Variants in ALG9 observed in about 807,000 individuals in gnomAD.
ALG9 encodes alpha-1,2-mannosyltransferase ALG9.
In ALG9, 55 loss-of-function variants were observed where a neutral mutation model predicts 81.8. The ratio of observed to expected loss-of-function variants is 0.67; its 90% CI spans 0.54 to 0.84. The LOEUF (loss-of-function observed/expected upper bound fraction) is 0.84, where lower values mean the gene tolerates loss of function less well. Ranked by LOEUF, ALG9 falls within the 40% of genes least tolerant of loss-of-function variation. The pLI is 0.00. For synonymous variants in ALG9, 278 were observed against 274.3 expected, an observed-to-expected ratio of 1.01 and a Z score of -0.13; for missense variants, 629 against 745.0, an observed-to-expected ratio of 0.84 and a Z score of 1.81.
the ALG9 span, among the ~76,000 whole-genome samples, chr11:111,769,630 AT>A: frequency 1.3e-5 from 2 of 151,762 alleles, no homozygotes; most frequent in Non-Finnish European, 2.9e-5. Context: ...AAAAAAAAAA[AT>A]TAAAGTCTTC....
At chr11:111,848,457 G>A (rs1957239777) in intron 8 of ALG9, among the ~76,000 whole-genome samples, 1 of 151,936 alleles carries the variant, frequency 6.6e-6, no homozygotes, top group South Asian at 2.1e-4. Context: ...GGGTGTGGTG[G>A]TGCATGCCTG....
chr11:111,863,543 T>C (rs1961125968), intron 4 of ALG9, among the ~76,000 whole-genome samples: 4 of 152,198 alleles, frequency 2.6e-5, no homozygotes, highest in Admixed American at 2.6e-4. Context: ...CAAACATTTT[T>C]TAAAATCTGA....
intron 13 of ALG9, among the ~76,000 whole-genome samples, chr11:111,835,355 T>A (rs1955060209): frequency 6.6e-6 from 1 of 152,244 alleles, no homozygotes; most frequent in African/African-American, 2.4e-5. Flanking sequence ...AAAAGTGTCA[T>A]CTTTCAAAGG....
chr11:111,768,671 T>C, the ALG9 span: 3 of 152,086 alleles, frequency 2.0e-5, no homozygotes, highest in African/African-American at 7.2e-5. Context: ...TGTGTGTGTG[T>C]GTGTTTAACA....
At chr11:111,811,787 G>A (rs1269370289) in intron 13 of ALG9, among the ~76,000 whole-genome samples, 8 of 152,074 alleles carry the variant, frequency 5.3e-5, no homozygotes, top group East Asian at 1.9e-4. Context: ...TGAAATGTTC[G>A]TAATAGGCAA....
At chr11:111,826,099 T>TAATAATAATAATAAC (rs1555108212) in intron 13 of ALG9, among the ~76,000 whole-genome samples, 1 of 147,108 alleles carries the variant, frequency 6.8e-6, no homozygotes, top group Non-Finnish European at 1.5e-5. Flanking sequence ...ATAATAATAA[T>TAATAATAATAATAAC]ATGCGGCCAG....
At chr11:111,870,505 G>T (rs1555157545) in intron 1 of ALG9, 135 bp from the exon 2 acceptor site, 2 of 1,186,532 alleles carry the variant, frequency 1.7e-6, no homozygotes, top group Admixed American at 7.4e-5. Context: ...ACCTAAAAAG[G>T]TGAATAGCTA....
At chr11:111,816,073 C>T (rs1487095817) in intron 13 of ALG9, among the ~76,000 whole-genome samples, 4 of 152,208 alleles carry the variant, frequency 2.6e-5, no homozygotes, top group Admixed American at 6.5e-5. Context: ...TTTTAGGTTA[C>T]ATCTTCTTGC....
intron 13 of ALG9, among the ~76,000 whole-genome samples, chr11:111,816,400 C>T (rs1378123606): frequency 1.3e-5 from 2 of 152,130 alleles, no homozygotes; most frequent in African/African-American, 4.8e-5. Context: ...GCATGCGCCA[C>T]CAGGCCTAGT....
chr11:111,819,342 T>A (rs1298936103), intron 13 of ALG9, among the ~76,000 whole-genome samples: 1 of 152,092 alleles, frequency 6.6e-6, no homozygotes, highest in Non-Finnish European at 1.5e-5. Context: ...AAAATAGAGA[T>A]CTCTGGCAAG....
chr11:111,835,781 C>CAG (rs782421758), intron 13 of ALG9, among the ~76,000 whole-genome samples: 1 of 152,198 alleles, frequency 6.6e-6, no homozygotes. Context: ...GACAGGGTCT[C>CAG]ACTCTGTTGC....
intron 14 of ALG9, among the ~76,000 whole-genome samples, chr11:111,796,443 T>TG (rs1234447904): frequency 6.6e-6 from 1 of 152,230 alleles, no homozygotes; most frequent in Non-Finnish European, 1.5e-5. Flanking sequence ...AGAGAACAGA[T>TG]GGTCTGTAAA....
At chr11:111,787,511 C>T (rs1250753090) in intron 14 of ALG9, among the ~76,000 whole-genome samples, 1 of 151,900 alleles carries the variant, frequency 6.6e-6, no homozygotes, top group African/African-American at 2.4e-5. Flanking sequence ...GGCTGGAGTG[C>T]CGTGGTGCGA....
rs904465272 is a variant in ALG9, at chr11:111,853,807, T to G, written c.702-71A>C. 4.2e-5 allele frequency: 56 copies of G among 1,318,944 alleles called. No homozygotes were observed. In the Admixed American group the frequency reaches 9.2e-4, roughly 22 times the overall value. 81.7% of individuals were successfully genotyped at this position (1,318,944 alleles called of 1,614,324 possible). A position where few individuals can be genotyped will look rare whatever the true frequency, so the allele number is the denominator to read the frequency against. On this transcript the variant is annotated intron_variant, in intron 6 of 14. Coordinates refer to ENST00000616540, the MANE Select transcript of ALG9 (RefSeq NM_024740.2). The stretch of plus-strand genomic sequence containing the variant: ...GAGACAAATCAGATTCACACATACC[T>G]CATGCTGAACTGAGAATAAAATGCC...
At chr11:111,839,062 T>C (rs1555120725) in intron 10 of ALG9, among the ~76,000 whole-genome samples, 1 of 152,224 alleles carries the variant, frequency 6.6e-6, no homozygotes, top group African/African-American at 2.4e-5. Context: ...TTTTGGAATC[T>C]ATCCTGAGGA....
At chr11:111,804,088 G>A (rs1473662269) in intron 14 of ALG9, among the ~76,000 whole-genome samples, 1 of 143,560 alleles carries the variant, frequency 7.0e-6, no homozygotes, top group Non-Finnish European at 1.5e-5. Flanking sequence ...AGTCAAGAGT[G>A]TGCCACTGCA....
intron 13 of ALG9, among the ~76,000 whole-genome samples, chr11:111,816,412 AATTT>A (rs1555097269): frequency 2.6e-5 from 4 of 151,872 alleles, no homozygotes; most frequent in African/African-American, 9.7e-5. Context: ...AGGCCTAGTT[AATTT>A]ATTTTTATTT....
intron 13 of ALG9, among the ~76,000 whole-genome samples, chr11:111,831,076 C>T (rs1185882368): frequency 2.0e-5 from 3 of 151,966 alleles, no homozygotes; most frequent in South Asian, 4.2e-4. Context: ...AGTCTCGCTC[C>T]GTCACCGAGG....
intron 2 of ALG9, 99 bp downstream of exon 2, chr11:111,870,133 A>T: frequency 7.9e-7 from 1 of 1,267,088 alleles, no homozygotes; most frequent in Non-Finnish European, 1.1e-6. Flanking sequence ...CAGTTATTTT[A>T]CTAGGAGTCA....
Sources: gnomAD v4.1 joint callset for allele counts (sites outside exome capture counted in the v4.1 genomes callset) on GRCh38, gnomAD v4.1.1 for gene constraint, MANE v1.5 for transcripts, NCBI Gene and HGNC (gene_info 2026-07-23, HGNC 2026-07-21) for gene names.